Variants in RMDN2 observed in about 807,000 individuals in gnomAD.
RMDN2 encodes the protein regulator of microtubule dynamics protein 2.
Under a neutral mutation model 52.8 loss-of-function variants are expected in RMDN2, and 61 were observed. The ratio of observed to expected loss-of-function variants is 1.16; its 90% CI spans 0.94 to 1.43. RMDN2 has a LOEUF of 1.43. Among genes scored for constraint, RMDN2 ranks in the 40% most tolerant of loss-of-function variants. RMDN2 has a pLI of 0.00. For synonymous variants in RMDN2, 180 were observed against 153.1 expected (o/e 1.18, Z -1.30); for missense variants, 592 against 475.3 (o/e 1.25, Z -2.28).
chr2:38,000,897 C>T (rs771696716), intron 8 of RMDN2, among the ~76,000 whole-genome samples: 2 of 152,184 alleles, frequency 1.3e-5, no homozygotes, highest in Non-Finnish European at 2.9e-5. Context: ...TGCTTTTAAA[C>T]GTTGATCAGT....
At chr2:37,962,875 T>A (rs1030225638) in intron 2 of RMDN2, among the ~76,000 whole-genome samples, 2 of 152,066 alleles carry the variant, frequency 1.3e-5, no homozygotes, top group African/African-American at 4.8e-5. Context: ...GCAAAAAACA[T>A]AGGAAAAGCG....
chr2:38,033,658 A>G (rs1228489865), intron 10 of RMDN2, among the ~76,000 whole-genome samples: 1 of 152,228 alleles, frequency 6.6e-6, no homozygotes, highest in Non-Finnish European at 1.5e-5. Context: ...CTGTGTTTTC[A>G]TAGGGCTCAA....
intron 10 of RMDN2, among the ~76,000 whole-genome samples, chr2:38,056,774 AG>A (rs781239971): frequency 2.0e-5 from 3 of 152,244 alleles, no homozygotes; most frequent in African/African-American, 4.8e-5. Context: ...ATTAGGAAGA[AG>A]AACTTAATTA....
intron 10 of RMDN2, among the ~76,000 whole-genome samples, chr2:38,051,218 A>G (rs1681577400): frequency 6.6e-6 from 1 of 151,916 alleles, no homozygotes; most frequent in Admixed American, 6.6e-5. Context: ...CTTTCTTCGG[A>G]GTCATGCAAA....
intron 4 of RMDN2, among the ~76,000 whole-genome samples, chr2:37,979,337 A>C (rs755045663): frequency 2.6e-5 from 4 of 152,212 alleles, no homozygotes; most frequent in Non-Finnish European, 5.9e-5. Flanking sequence ...AATTATATTC[A>C]GTGTATAAGG....
intron 5 of RMDN2, among the ~76,000 whole-genome samples, chr2:37,981,579 G>T (rs751301040): frequency 2.0e-5 from 3 of 152,146 alleles, no homozygotes; most frequent in Non-Finnish European, 2.9e-5. Context: ...AATCTACCAA[G>T]TCTACTGGCT....
At chr2:38,011,144 G>A (rs1677930158) in intron 10 of RMDN2, among the ~76,000 whole-genome samples, 3 of 152,190 alleles carry the variant, frequency 2.0e-5, no homozygotes, top group Non-Finnish European at 4.4e-5. Context: ...ACCATGGGTT[G>A]CCATCCTCAG....
chr2:37,955,565 GA>G lies in RMDN2; in HGVS notation c.453-18474del, dbSNP rs200838778. On this transcript the variant is annotated intron_variant, in intron 2 of 10. Coordinates refer to ENST00000354545, the MANE Select transcript of RMDN2 (RefSeq NM_001170791.3). ...CAGAATTCCCACATGTTGTGGGAGGGACCCAGGGGGAGGTAATTGAATCATG... is the reference window on the plus strand; with the variant it reads ...CAGAATTCCCACATGTTGTGGGAGGGCCCAGGGGGAGGTAATTGAATCATG... Among the ~76,000 whole-genome samples, 156 of 152,200 alleles carry G rather than the reference GA, an allele frequency of 1.0e-3. 2 individuals carry two copies. In the East Asian group the frequency reaches 0.026, roughly 25 times the overall value.
At chr2:38,001,714 A>G (rs1420248886) in intron 8 of RMDN2, among the ~76,000 whole-genome samples, 1 of 152,250 alleles carries the variant, frequency 6.6e-6, no homozygotes, top group Non-Finnish European at 1.5e-5. Context: ...ATAATTGAAT[A>G]AAGTTCAGTC....
chr2:38,052,144 A>T (rs529098481), intron 10 of RMDN2, among the ~76,000 whole-genome samples: 43 of 152,344 alleles, frequency 2.8e-4, no homozygotes, highest in Middle Eastern at 3.4e-3. Flanking sequence ...AACAGTGTAT[A>T]AGAATTCCTT....
chr2:38,034,786 A>G (rs1447725344), intron 10 of RMDN2, among the ~76,000 whole-genome samples: 1 of 150,294 alleles, frequency 6.7e-6, no homozygotes, highest in Non-Finnish European at 1.5e-5. Flanking sequence ...TACAAATATA[A>G]AATATTTTAA....
chr2:37,964,580 G>T (rs530011632), intron 2 of RMDN2, among the ~76,000 whole-genome samples: 43 of 152,234 alleles, frequency 2.8e-4, no homozygotes, highest in African/African-American at 1.0e-3. Flanking sequence ...AATTAACTAA[G>T]ACTTATTTCG....
chr2:38,060,368 T>A (rs571475797), intron 10 of RMDN2, among the ~76,000 whole-genome samples: 1 of 152,148 alleles, frequency 6.6e-6, no homozygotes, highest in Non-Finnish European at 1.5e-5. Context: ...GGAAACCACA[T>A]TGGAAAACAC....
chr2:38,065,337 G>A (rs573736268), intron 10 of RMDN2, among the ~76,000 whole-genome samples: 1 of 151,664 alleles, frequency 6.6e-6, no homozygotes, highest in South Asian at 2.1e-4. Flanking sequence ...TATCCATTGA[G>A]AGAGAGAGAA....
chr2:37,932,774 C>A (rs1310938475), intron 2 of RMDN2, among the ~76,000 whole-genome samples: 1 of 136,764 alleles, frequency 7.3e-6, no homozygotes, highest in Non-Finnish European at 1.6e-5. Context: ...CGGGCAGAGG[C>A]GCCCCTCACC....
rs1177768979 is a variant in RMDN2, at chr2:37,929,642, C to G, written c.365C>G (p.Pro122Arg). 7 of 1,550,268 alleles carry G rather than the reference C, an allele frequency of 4.5e-6. No homozygotes were observed. The highest frequency in any genetic ancestry group is 6.1e-6 in the Non-Finnish European group (7 of 1,146,720). Residue 122 changes from proline (P) to arginine (R), a missense_variant, in exon 2 of 11, where the codon CCT becomes CGT. Coordinates refer to ENST00000354545, the MANE Select transcript of RMDN2 (RefSeq NM_001170791.3). ...AAAATAACTGTTCATAAGATAAGCC[C>G]TCAGCACAGAGCGAGAAAAAGAAGA... ...GGKITVHKIS[P>R]QHRARKRRLP...
exon 11 of RMDN2, chr2:38,067,010 T>C: frequency 6.2e-7 from 1 of 1,613,654 alleles, no homozygotes; most frequent in East Asian, 2.2e-5. Flanking sequence ...TAAAGAGCCT[T>C]TGGTACCGCA....
At chr2:37,924,190 A>T (rs1185399761), upstream of RMDN2, among the ~76,000 whole-genome samples, 1 of 152,188 alleles carries the variant, frequency 6.6e-6, no homozygotes, top group African/African-American at 2.4e-5. Flanking sequence ...GGATTGCAAA[A>T]CAAGCCTTCT....
chr2:37,924,347 C>G (rs1025954871), upstream of RMDN2, among the ~76,000 whole-genome samples: 6 of 152,160 alleles, frequency 3.9e-5, no homozygotes, highest in African/African-American at 1.4e-4. Flanking sequence ...ACTCAAGGTG[C>G]GGACAATACA....
Sources: allele counts gnomAD v4.1 joint callset (sites outside exome capture counted in the v4.1 genomes callset), GRCh38; gene constraint gnomAD v4.1.1; transcripts MANE v1.5; gene names NCBI Gene and HGNC (gene_info 2026-07-23, HGNC 2026-07-21).